Variants in DHRS11 observed in about 807,000 individuals in gnomAD.
The protein encoded by DHRS11 is dehydrogenase/reductase 11.
DHRS11 carries 18 observed loss-of-function variants against 30.7 expected under a neutral mutation model. The ratio of observed to expected loss-of-function variants is 0.59; its 90% CI spans 0.41 to 0.87. The LOEUF is 0.87. DHRS11 is among the 40% of genes least tolerant of loss of function. The pLI, the probability that DHRS11 is intolerant of heterozygous loss-of-function variation, is 0.00. For synonymous variants in DHRS11, 123 were observed against 139.6 expected (o/e 0.88, Z 0.84); for missense variants, 300 against 349.0 (o/e 0.86, Z 1.12).
chr17:36,597,126 A>C, intron 2 of DHRS11: 9 of 262,950 alleles, frequency 3.4e-5, no homozygotes, highest in South Asian at 1.2e-4. Context: ...TATTTCTCCC[A>C]CTCTACCTGC....
At chr17:36,597,217 C>T (rs2074817765) in intron 2 of DHRS11, 1 of 234,826 alleles carries the variant, frequency 4.3e-6, no homozygotes, top group African/African-American at 2.2e-5. Context: ...TGTCCTGGCA[C>T]CCATCTCTTC....
At chr17:36,597,976 C>T (rs1439473882) in intron 2 of DHRS11, 187 bp from the exon 3 acceptor site, 7 of 629,838 alleles carry the variant, frequency 1.1e-5, no homozygotes, top group African/African-American at 1.8e-5. Flanking sequence ...CTGGGGGTTG[C>T]GGCTTTAGGG....
rs1390449479 is a variant in DHRS11, at chr17:36,599,803, C to G, written c.675+40C>G. The G allele has an allele frequency of 3.7e-6, 6 of 1,611,018 alleles. No homozygotes were observed. In the Admixed American group the frequency reaches 8.3e-5, roughly 22 times the overall value. ...TGAGCCTGGTGAAGCCACTGACTCC[C>G]TAAATGAAGGCAGAGGGAAGCTCGG... On this transcript the variant is annotated intron_variant, in intron 5 of 6. Transcript: ENST00000618403.
rs2074774116 is a variant in DHRS11 at position 36,592,314 on chromosome 17, G to C, written c.147+158G>C. Reference sequence around the variant, plus strand: ...TTCCCCTTAAGTCTCATCTTTGAAGGAGCCGTTTGCCCTGACAGCCCCTGC... The same window carrying C: ...TTCCCCTTAAGTCTCATCTTTGAAGCAGCCGTTTGCCCTGACAGCCCCTGC... On this transcript the variant is annotated intron_variant, in intron 1 of 6. Coordinates refer to ENST00000618403, the MANE Select transcript of DHRS11 (RefSeq NM_024308.4). The surrounding 1 kb of genome is among the most constrained non-coding windows in gnomAD (Gnocchi z 4.4). 6.6e-6 allele frequency among the ~76,000 whole-genome samples: 1 copy of C among 152,210 alleles called. No individual in the cohort carries two copies. The highest frequency in any genetic ancestry group is 2.4e-5 in the African/African-American group (1 of 41,458).
chr17:36,599,154 C>G lies in DHRS11; in HGVS notation c.582+104C>G, dbSNP rs2074835816. ...TGTTCAGAATGTGCCGCTCAGAGCTCCTGGGAGTGGACTGGGCACAGAACT... is the reference window on the plus strand; with the variant it reads ...TGTTCAGAATGTGCCGCTCAGAGCTGCTGGGAGTGGACTGGGCACAGAACT... On this transcript the variant is annotated intron_variant, in intron 4 of 6. Transcript: ENST00000618403. 20 of 1,469,676 alleles carry G rather than the reference C, an allele frequency of 1.4e-5. No individual in the cohort carries two copies. In the South Asian group the frequency reaches 2.5e-4, roughly 19 times the overall value. 91.0% of individuals were successfully genotyped at this position (1,469,676 alleles called of 1,614,324 possible).
At chr17:36,596,601 G>A in intron 2 of DHRS11, 1 of 344,820 alleles carries the variant, frequency 2.9e-6, no homozygotes, top group East Asian at 7.5e-5. Flanking sequence ...CATAAGCACT[G>A]AAAAGATAGT....
Position 36,592,259 on chromosome 17 carries a change from C to A in DHRS11, c.147+103C>A. On this transcript the variant is annotated intron_variant, in intron 1 of 6. Transcript: ENST00000618403. This position sits in a 1 kb window ranked among gnomAD's most constrained non-coding sequence, Gnocchi z 4.4. ...GGCCCTTTGCTCTAGTCGGGGCGGC[C>A]TCTCGGATCCCTTAAGGCAGGCTTC... The A allele has an allele frequency of 4.1e-6, 5 of 1,205,178 alleles. No individual in the cohort carries two copies. The highest frequency in any genetic ancestry group is 5.2e-6 in the Non-Finnish European group (5 of 965,040). 74.7% of individuals were successfully genotyped at this position (1,205,178 alleles called of 1,614,324 possible). A position where few individuals can be genotyped will look rare whatever the true frequency, so the allele number is the denominator to read the frequency against.
In DHRS11 at chr17:36,592,294, C is replaced by T. The variant is rs180905076; in HGVS notation, c.147+138C>T. 3,745 of 1,107,234 alleles carry T rather than the reference C, an allele frequency of 3.4e-3. 21 individuals carry two copies. The highest frequency in any genetic ancestry group is 3.5e-3 in the Non-Finnish European group (3,090 of 876,130). The allele number at this position is 1,107,234 out of a possible 1,614,324, so 68.6% of individuals were successfully genotyped here. On this transcript the variant is annotated intron_variant, in intron 1 of 6. Coordinates refer to ENST00000618403, the MANE Select transcript of DHRS11 (RefSeq NM_024308.4). This position sits in a 1 kb window ranked among gnomAD's most constrained non-coding sequence, Gnocchi z 4.4. ...CCTTAAGGCAGGCTTCTCCCTTCCC[C>T]TTAAGTCTCATCTTTGAAGGAGCCG... is the stretch of plus-strand genomic sequence containing the variant.
At chr17:36,597,571 C>T (rs2074821083) in intron 2 of DHRS11, 1 of 159,354 alleles carries the variant, frequency 6.3e-6, no homozygotes, top group South Asian at 1.9e-4. Context: ...GTAGATGGAA[C>T]CCACGTTAAA....
intron 5 of DHRS11, 69 bp from the exon 6 acceptor site, chr17:36,599,903 A>C: frequency 6.3e-7 from 1 of 1,580,656 alleles, no homozygotes; most frequent in South Asian, 1.1e-5. Context: ...GCCACAGAGA[A>C]GCTCAGTGGT....
chr17:36,600,468 C>T lies in DHRS11; in HGVS notation c.*265C>T. The stretch of plus-strand genomic sequence containing the variant: ...GTGCCCCTGGGCACTTGGCCTTTGT[C>T]TGCTCTCAGTGTCTTCCCTTTGACA... On this transcript the variant is annotated 3_prime_UTR_variant, in exon 7 of 7. Coordinates refer to ENST00000618403, the MANE Select transcript of DHRS11 (RefSeq NM_024308.4). 1 of 582,594 alleles carries T rather than the reference C, an allele frequency of 1.7e-6. No homozygotes were observed. The allele number at this position is 582,594 out of a possible 1,614,324, so 36.1% of individuals were successfully genotyped here.
Position 36,595,024 on chromosome 17 carries a change from C to G in DHRS11, c.201C>G (p.Tyr67Ter). The change falls in exon 2 of 7, where the codon TAC becomes TAG. Residue 67 changes from tyrosine (Y) to a stop codon, truncating the protein, a stop_gained. Transcript: ENST00000618403. LOFTEE classifies it high-confidence loss of function. ...GCTACCCCGGGACTTTGATCCCCTA[C>G]AGATGTGACCTATCAAATGAAGAGG... is the stretch of plus-strand genomic sequence containing the variant. ...SAGYPGTLIP[Y>*]RCDLSNEEDI... is the part of the protein sequence containing the mutation. 1 of 1,614,228 alleles carries G rather than the reference C, an allele frequency of 6.2e-7. No homozygotes were observed. Among genetic ancestry groups the G allele is most frequent in the South Asian group, 1.1e-5 (1 of 91,084 alleles).
Position 36,600,466 on chromosome 17 carries a change from G to C in DHRS11, c.*263G>C, listed in dbSNP as rs1234393757. On this transcript the variant is annotated 3_prime_UTR_variant, in exon 7 of 7. Coordinates refer to ENST00000618403, the MANE Select transcript of DHRS11 (RefSeq NM_024308.4). ...TTGTGCCCCTGGGCACTTGGCCTTT[G>C]TCTGCTCTCAGTGTCTTCCCTTTGA... 1.7e-6 allele frequency: 1 copy of C among 584,944 alleles called. No individual in the cohort carries two copies. The highest frequency in any genetic ancestry group is 3.0e-6 in the Non-Finnish European group (1 of 329,134). The allele number at this position is 584,944 out of a possible 1,614,324, so 36.2% of individuals were successfully genotyped here.
chr17:36,592,161 G>T lies in DHRS11; in HGVS notation c.147+5G>T. 2 of 1,280,590 alleles carry T rather than the reference G, an allele frequency of 1.6e-6. No individual in the cohort carries two copies. Among genetic ancestry groups the T allele is most frequent in the South Asian group, 3.3e-5 (1 of 29,896 alleles). 79.3% of individuals were successfully genotyped at this position (1,280,590 alleles called of 1,614,324 possible). On this transcript the variant is annotated splice_donor_5th_base_variant and intron_variant, in intron 1 of 6. Transcript: ENST00000618403. This position sits in a 1 kb window ranked among gnomAD's most constrained non-coding sequence, Gnocchi z 4.4. ...CGCACTGTGGGCAACATCGAGGTGA[G>T]GCCGGGCCGAGGGCGGGGACGTCGC...
chr17:36,594,707 G>A (rs1041864170), intron 1 of DHRS11: 150 of 566,104 alleles, frequency 2.6e-4, no homozygotes, highest in Non-Finnish European at 2.7e-4. Flanking sequence ...GAGCCACCAC[G>A]CCCAGCCAGG....
chr17:36,599,464 G>A (rs2074838089), intron 4 of DHRS11: 5 of 593,064 alleles, frequency 8.4e-6, no homozygotes, highest in South Asian at 4.2e-5. Context: ...TTTGTAAAAC[G>A]TTTACCTGAC....
chr17:36,600,064 A>G, intron 6 of DHRS11, 27 bp downstream of exon 6: 1 of 1,613,734 alleles, frequency 6.2e-7, no homozygotes, highest in African/African-American at 1.3e-5. Context: ...CTGTCTACTC[A>G]CTGGAGGAAC....
At chr17:36,598,704 G>A (rs563724189) in intron 3 of DHRS11, 31 of 568,990 alleles carry the variant, frequency 5.4e-5, no homozygotes, top group African/African-American at 3.2e-4. Flanking sequence ...GCATTCTGTC[G>A]TCAGCTTAGG....
Position 36,600,170 on chromosome 17 carries a change from C to T in DHRS11, c.750C>T (p.Asp250=). The T allele has an allele frequency of 6.2e-7, 1 of 1,614,052 alleles. No homozygotes were observed. The part of the protein sequence containing the change: ...LSTPAHIQIG[D]IQMRPTEQVT ...CCTTGTACCTTCCACAGATTGGAGA[C>T]ATCCAGATGAGGCCCACGGAGCAGG... Residue 250 remains aspartate, a synonymous_variant, in exon 7 of 7, where the codon GAC becomes GAT. Transcript: ENST00000618403.
Sources: allele counts gnomAD v4.1 joint callset (sites outside exome capture counted in the v4.1 genomes callset), GRCh38; gene constraint gnomAD v4.1.1; non-coding constraint Gnocchi (gnomAD v3.1); transcripts MANE v1.5; gene names NCBI Gene and HGNC (gene_info 2026-07-23, HGNC 2026-07-21).